The following UTP20 variants were observed in gnomAD, a reference collection of about 807,000 sequenced individuals.
UTP20 encodes the protein UTP20 small subunit processome component.
In UTP20, 164 loss-of-function variants were observed where a neutral mutation model predicts 329.5. The observed-to-expected ratio is 0.50, with a 90% CI of 0.44 to 0.57. The LOEUF is 0.57. UTP20 is among the 20% of genes least tolerant of loss of function. The pLI, the probability that UTP20 is intolerant of heterozygous loss-of-function variation, is 0.00. For synonymous variants in UTP20, 1,151 were observed against 1,159.3 expected (o/e 0.99, Z 0.14); for missense variants, 3,055 against 3,284.2 (o/e 0.93, Z 1.71).
chr12:101,347,285 G>GATTACAGGTGGATCACAGATTACTTTA (rs1188023014), intron 38 of UTP20, among the ~76,000 whole-genome samples: 23 of 152,276 alleles, frequency 1.5e-4, no homozygotes, highest in Non-Finnish European at 2.6e-4. Flanking sequence ...CACTTTAGGA[G>GATTACAGGTGGATCACAGATTACTTTA]GCCGAGGCAG....
chr12:101,284,674 G>T (rs919189044), intron 2 of UTP20, among the ~76,000 whole-genome samples: 2 of 151,748 alleles, frequency 1.3e-5, no homozygotes, highest in Non-Finnish European at 2.9e-5. Flanking sequence ...TAATTTATTG[G>T]CTTTACCTTT....
intron 27 of UTP20, among the ~76,000 whole-genome samples, chr12:101,332,627 G>A (rs1232262380): frequency 6.6e-6 from 1 of 152,152 alleles, no homozygotes; most frequent in Non-Finnish European, 1.5e-5. Flanking sequence ...CAGCCTCTAT[G>A]CCTCTAAACA....
At chr12:101,296,181 A>G (rs7296094) in intron 12 of UTP20, among the ~76,000 whole-genome samples, 86,847 of 152,108 alleles carry the variant, frequency 0.57, 27,760 homozygotes, top group East Asian at 0.94. Flanking sequence ...ATATATAGTC[A>G]TATGTAGTTT....
chr12:101,345,205 C>G (rs1869282933), intron 36 of UTP20, among the ~76,000 whole-genome samples: 1 of 152,098 alleles, frequency 6.6e-6, no homozygotes, highest in African/African-American at 2.4e-5. Flanking sequence ...CTTGGCCTCC[C>G]AAATTGCTGG....
At position 101,289,026 on chromosome 12, in the gene UTP20, T is replaced by C. The variant is rs1593417481; in HGVS notation, c.582T>C (p.Thr194=). The change falls in exon 6 of 62, where the codon ACT becomes ACC. Residue 194 remains threonine (T), a synonymous_variant. Coordinates refer to ENST00000261637, the MANE Select transcript of UTP20 (RefSeq NM_014503.3). ...HIRNFAAESF[T]FLMRKVSDKN... ...GAAATTTTGCTGCTGAAAGTTTTAC[T>C]TTTTTGATGAGAAAGGTTAGTCTGG... The C allele has an allele frequency of 1.9e-6, 3 of 1,613,092 alleles. No individual in the cohort carries two copies. In the African/African-American group the frequency reaches 4.0e-5, roughly 22 times the overall value.
Position 101,354,969 on chromosome 12 carries a change from G to A in UTP20, c.5245G>A (p.Gly1749Arg). ...PGTPDPADSGGTSAKESECIT... is the reference protein window; with the variant it reads ...PGTPDPADSGRTSAKESECIT... ...AACCCCTGATCCAGCTGACTCTGGA[G>A]GAACATCAGCTAAAGAATCCGAGTG... is the stretch of plus-strand genomic sequence containing the variant. The change falls in exon 41 of 62, where the codon GGA (glycine) becomes AGA (arginine). Residue 1749 changes from glycine (G) to arginine (R), a missense_variant. By Grantham distance (125) the Gly-to-Arg change is moderately radical. Transcript: ENST00000261637. The A allele has an allele frequency of 6.2e-7, 1 of 1,614,174 alleles. No homozygotes were observed. Among genetic ancestry groups the A allele is most frequent in the Non-Finnish European group, 8.5e-7 (1 of 1,180,024 alleles).
At chr12:101,319,976 G>A (rs1334109355) in intron 23 of UTP20, among the ~76,000 whole-genome samples, 1 of 152,122 alleles carries the variant, frequency 6.6e-6, no homozygotes, top group East Asian at 1.9e-4. Flanking sequence ...TTCCCTTCTA[G>A]TTTAGTCAGA....
rs1347268501 is a variant in UTP20 at position 101,321,499 on chromosome 12, TA to T, written c.2916-2del. ...GGTGATTTGTGCTGTTCTCTGTTTT[TA>T]AAGGGAAAACTTACAAAGGTTGCTT... On this transcript the variant is annotated splice_region_variant and splice_polypyrimidine_tract_variant and intron_variant, in intron 24 of 61. Coordinates refer to ENST00000261637, the MANE Select transcript of UTP20 (RefSeq NM_014503.3). 1.2e-6 allele frequency: 2 copies of T among 1,612,502 alleles called. No individual in the cohort carries two copies. Among genetic ancestry groups the T allele is most frequent in the Non-Finnish European group, 1.7e-6 (2 of 1,179,190 alleles).
At chr12:101,326,770 A>G (rs1868572158) in intron 25 of UTP20, 1 of 174,274 alleles carries the variant, frequency 5.7e-6, no homozygotes, top group East Asian at 1.5e-4. Flanking sequence ...GAATTTTTTT[A>G]TAGAGACGTG....
intron 2 of UTP20, among the ~76,000 whole-genome samples, chr12:101,282,722 C>T (rs896699600): frequency 6.6e-6 from 1 of 152,204 alleles, no homozygotes; most frequent in Admixed American, 6.5e-5. Context: ...CATGATTCCT[C>T]TGCTAGCCTT....
chr12:101,337,990 CAT>C (rs1410716106), intron 29 of UTP20, 59 bp from the exon 30 acceptor site: 4 of 1,445,920 alleles, frequency 2.8e-6, no homozygotes, highest in Non-Finnish European at 3.8e-6. Flanking sequence ...TTCATATGGA[CAT>C]GTTTTTAGAA....
Position 101,294,541 on chromosome 12 carries a change from C to CTT in UTP20, c.1252-924_1252-923dup, listed in dbSNP as rs1211436109. Among the ~76,000 whole-genome samples the CTT allele has an allele frequency of 2.3e-3, 300 of 129,276 alleles. 5 individuals are homozygous for CTT. Among genetic ancestry groups the CTT allele is most frequent in the African/African-American group, 6.5e-3 (222 of 34,110 alleles). 84.8% of individuals were successfully genotyped at this position (129,276 alleles called of 152,430 possible). A position where few individuals can be genotyped will look rare whatever the true frequency, so the allele number is the denominator to read the frequency against. On this transcript the variant is annotated intron_variant, in intron 11 of 61. Coordinates refer to ENST00000261637, the MANE Select transcript of UTP20 (RefSeq NM_014503.3). ...CCTTTTTGTATACATTCTCGTTTTT[C>CTT]TTTTTTTTTTTTTTTTGTCGAGACA...
In UTP20 at chr12:101,295,693, A is replaced by G. The variant is rs745866572; in HGVS notation, c.1430+35A>G. 9.1e-6 allele frequency: 14 copies of G among 1,541,178 alleles called. No homozygotes were observed. In the Middle Eastern group the frequency reaches 8.3e-4, roughly 91 times the overall value. ...AACTTTTTATTCCTGTAATGATGATAAGTTTACCCATTTAAATGTAATGTA... is the reference window on the plus strand; with the variant it reads ...AACTTTTTATTCCTGTAATGATGATGAGTTTACCCATTTAAATGTAATGTA... On this transcript the variant is annotated intron_variant, in intron 12 of 61. Coordinates refer to ENST00000261637, the MANE Select transcript of UTP20 (RefSeq NM_014503.3).
chr12:101,330,691 A>G (rs1276087178), intron 27 of UTP20, among the ~76,000 whole-genome samples: 3 of 152,228 alleles, frequency 2.0e-5, no homozygotes, highest in African/African-American at 4.8e-5. Context: ...GTATATGAAT[A>G]TATTAAATTG....
At chr12:101,311,871 A>T in intron 20 of UTP20, 73 bp downstream of exon 20, 1 of 1,559,006 alleles carries the variant, frequency 6.4e-7, no homozygotes, top group Non-Finnish European at 8.7e-7. Context: ...TTGCTTAATT[A>T]CTCACGAAAT....
intron 43 of UTP20, among the ~76,000 whole-genome samples, chr12:101,358,836 A>G (rs1470852982): frequency 1.3e-5 from 2 of 152,160 alleles, no homozygotes; most frequent in Admixed American, 1.3e-4. Flanking sequence ...TCACACTTAT[A>G]AATTATGAAG....
intron 38 of UTP20, among the ~76,000 whole-genome samples, chr12:101,350,281 C>T (rs977359823): frequency 5.3e-5 from 8 of 152,130 alleles, no homozygotes; most frequent in African/African-American, 1.9e-4. Context: ...ATCCTCCTAC[C>T]TCTGCCTCCC....
At chr12:101,341,163 G>C (rs745618736) in intron 32 of UTP20, among the ~76,000 whole-genome samples, 75 of 151,692 alleles carry the variant, frequency 4.9e-4, no homozygotes, top group Non-Finnish European at 2.9e-4. Context: ...TTTTCAATAG[G>C]GATGGGGTTT....
chr12:101,317,331 A>G (rs1873002253), intron 21 of UTP20, 147 bp from the exon 22 acceptor site: 1 of 772,064 alleles, frequency 1.3e-6, no homozygotes, highest in Admixed American at 3.0e-5. Context: ...AGGAAAGAGT[A>G]ATATTGTGGA....
Sources: allele counts gnomAD v4.1 joint callset (sites outside exome capture counted in the v4.1 genomes callset), GRCh38; gene constraint gnomAD v4.1.1; transcripts MANE v1.5; gene names NCBI Gene and HGNC (gene_info 2026-07-23, HGNC 2026-07-21).